The following KCNT2 variants were observed in gnomAD, a reference collection of about 807,000 sequenced individuals.
The protein encoded by KCNT2 is potassium sodium-activated channel subfamily T member 2.
Under a neutral mutation model 153.8 loss-of-function variants are expected in KCNT2, and 67 were observed. The observed-to-expected ratio is 0.44, with a 90% CI of 0.36 to 0.53. The LOEUF (loss-of-function observed/expected upper bound fraction) is 0.53, where lower values mean the gene tolerates loss of function less well. Among genes scored for constraint, KCNT2 ranks in the 20% least tolerant of loss-of-function variants. KCNT2 has a pLI of 0.00. For missense variants in KCNT2, 975 were observed against 1,354.8 expected (o/e 0.72, Z 4.40); for synonymous variants, 500 against 458.8 (o/e 1.09, Z -1.15).
At chr1:196,375,809 A>G (rs185606098) in intron 13 of KCNT2, among the ~76,000 whole-genome samples, 2 of 151,840 alleles carry the variant, frequency 1.3e-5, no homozygotes, top group African/African-American at 2.4e-5. Context: ...AAGTTAATAT[A>G]TAATTATCAT....
At chr1:196,297,775 C>A (rs940727941) in intron 22 of KCNT2, among the ~76,000 whole-genome samples, 2 of 152,056 alleles carry the variant, frequency 1.3e-5, no homozygotes, top group East Asian at 3.9e-4. Context: ...GTTCCAGAAC[C>A]TAGATTATGA....
At chr1:196,290,048 A>G (rs1268879036) in intron 22 of KCNT2, among the ~76,000 whole-genome samples, 1 of 152,060 alleles carries the variant, frequency 6.6e-6, no homozygotes, top group Non-Finnish European at 1.5e-5. Context: ...ATATGGAATG[A>G]GATGATAAAA....
intron 1 of KCNT2, among the ~76,000 whole-genome samples, chr1:196,577,004 G>A (rs1403871374): frequency 6.6e-6 from 1 of 151,974 alleles, no homozygotes; most frequent in African/African-American, 2.4e-5. Flanking sequence ...ATGATACATT[G>A]AATAGAAAAT....
intron 1 of KCNT2, among the ~76,000 whole-genome samples, chr1:196,494,593 G>C (rs892933822): frequency 3.3e-5 from 5 of 151,934 alleles, no homozygotes; most frequent in Admixed American, 2.0e-4. Context: ...TCCTGACCTC[G>C]TGATCCGCCC....
At chr1:196,330,366 G>A (rs1664336157) in intron 18 of KCNT2, among the ~76,000 whole-genome samples, 2 of 151,892 alleles carry the variant, frequency 1.3e-5, no homozygotes, top group South Asian at 4.1e-4. Flanking sequence ...CCACTTTAAG[G>A]ATGAGGAAAC....
rs116054145 is a variant in KCNT2 at position 196,384,108 on chromosome 1, T to A, written c.1295-10860A>T. On this transcript the variant is annotated intron_variant, in intron 13 of 27. Coordinates refer to ENST00000294725, the MANE Select transcript of KCNT2 (RefSeq NM_198503.5). ...TAACTTGATTGGGTAAATAAGTTCA[T>A]AATGCATATGTATATCAAATCATCA... 4.7e-3 allele frequency among the ~76,000 whole-genome samples: 715 copies of A among 152,282 alleles called. 4 individuals are homozygous for A. The highest frequency in any genetic ancestry group is 0.016 in the African/African-American group (651 of 41,554).
chr1:196,456,638 T>C (rs772885738), intron 8 of KCNT2, among the ~76,000 whole-genome samples: 5 of 151,956 alleles, frequency 3.3e-5, no homozygotes, highest in African/African-American at 7.2e-5. Flanking sequence ...AAGTAATAGA[T>C]GCAATTAAAT....
chr1:196,358,970 A>T (rs945079137), intron 14 of KCNT2, among the ~76,000 whole-genome samples: 3 of 151,952 alleles, frequency 2.0e-5, no homozygotes, highest in Non-Finnish European at 2.9e-5. Flanking sequence ...TAGACTACTC[A>T]ATCTGGGGCC....
chr1:196,578,481 C>G (rs1661635207), intron 1 of KCNT2, among the ~76,000 whole-genome samples: 1 of 152,106 alleles, frequency 6.6e-6, no homozygotes, highest in South Asian at 2.1e-4. Context: ...TCACAGAGCA[C>G]TGGAGGATGA....
chr1:196,470,973 T>C (rs1678051598), intron 5 of KCNT2, among the ~76,000 whole-genome samples: 1 of 148,064 alleles, frequency 6.8e-6, no homozygotes, highest in South Asian at 2.2e-4. Flanking sequence ...TCCGCCTCCC[T>C]GGGTTCATGC....
At chr1:196,245,149 G>C (rs1010736709) in intron 26 of KCNT2, among the ~76,000 whole-genome samples, 5 of 152,180 alleles carry the variant, frequency 3.3e-5, no homozygotes, top group African/African-American at 1.2e-4. Flanking sequence ...GGCTTGGGGT[G>C]CACCGTGAGT....
chr1:196,598,885 TG>T (rs776649958), intron 1 of KCNT2, among the ~76,000 whole-genome samples: 1 of 152,250 alleles, frequency 6.6e-6, no homozygotes, highest in African/African-American at 2.4e-5. Flanking sequence ...AAATGTTCTC[TG>T]ATGCTGTGAT....
intron 25 of KCNT2, among the ~76,000 whole-genome samples, chr1:196,268,809 CA>C (rs966718825): frequency 8.1e-4 from 120 of 147,428 alleles, no homozygotes; most frequent in Admixed American, 3.0e-3. Flanking sequence ...GCTCTCCCCA[CA>C]AAAAAAAAAG....
At chr1:196,244,592 G>A (rs1655260392) in intron 26 of KCNT2, among the ~76,000 whole-genome samples, 1 of 152,098 alleles carries the variant, frequency 6.6e-6, no homozygotes, top group Non-Finnish European at 1.5e-5. Context: ...AGTGGTGGTG[G>A]CCACAGGGAG....
chr1:196,471,299 T>C (rs1052162584), intron 5 of KCNT2, among the ~76,000 whole-genome samples: 1 of 152,168 alleles, frequency 6.6e-6, no homozygotes, highest in African/African-American at 2.4e-5. Context: ...CTGATTAGCA[T>C]GGATGAGACA....
Position 196,228,051 on chromosome 1 carries a change from A to T in KCNT2, c.*173T>A. 2.1e-6 allele frequency: 1 copy of T among 485,180 alleles called. No individual in the cohort carries two copies. 30.1% of individuals were successfully genotyped at this position (485,180 alleles called of 1,614,324 possible). On this transcript the variant is annotated 3_prime_UTR_variant, in exon 28 of 28. Coordinates refer to ENST00000294725, the MANE Select transcript of KCNT2 (RefSeq NM_198503.5). ...TCCTTCAAATATTAATAGGGAGAGT[A>T]CCAGTAAGTAGTACATTAAGTTTCA...
chr1:196,605,471 T>G (rs1361882164), intron 1 of KCNT2, among the ~76,000 whole-genome samples: 1 of 152,134 alleles, frequency 6.6e-6, no homozygotes, highest in Non-Finnish European at 1.5e-5. Flanking sequence ...TCAGTGACAC[T>G]CCAGCTTGTT....
At chr1:196,454,392 C>T (rs1400496750) in intron 8 of KCNT2, among the ~76,000 whole-genome samples, 1 of 151,868 alleles carries the variant, frequency 6.6e-6, no homozygotes, top group Non-Finnish European at 1.5e-5. Flanking sequence ...TCTCCTCTAG[C>T]AGTCCCCAGT....
At chr1:196,593,040 C>T (rs747961422) in intron 1 of KCNT2, among the ~76,000 whole-genome samples, 32 of 150,350 alleles carry the variant, frequency 2.1e-4, no homozygotes, top group Non-Finnish European at 3.1e-4. Flanking sequence ...GTAGTATACA[C>T]TGAACACAAT....
Sources: allele counts gnomAD v4.1 joint callset (sites outside exome capture counted in the v4.1 genomes callset), GRCh38; gene constraint gnomAD v4.1.1; transcripts MANE v1.5; gene names NCBI Gene and HGNC (gene_info 2026-07-23, HGNC 2026-07-21).